RASGRF2: variants seen among roughly 807,000 people sequenced by gnomAD.
The protein encoded by RASGRF2 is Ras protein specific guanine nucleotide releasing factor 2, also known as ras-specific guanine nucleotide-releasing factor 2.
Under a neutral mutation model 151.0 loss-of-function variants are expected in RASGRF2, and 76 were observed. That is an observed-to-expected ratio of 0.50 (90% confidence interval 0.42 to 0.61). RASGRF2 has a LOEUF of 0.61. RASGRF2 is among the 20% of genes least tolerant of loss of function. RASGRF2 has a pLI of 0.00. For synonymous variants in RASGRF2, 504 were observed against 566.5 expected, an observed-to-expected ratio of 0.89 and a Z score of 1.57; for missense variants, 1,148 against 1,564.6, an observed-to-expected ratio of 0.73 and a Z score of 4.49.
chr5:80,971,953 G>A (rs1747951274), intron 1 of RASGRF2, among the ~76,000 whole-genome samples: 1 of 148,932 alleles, frequency 6.7e-6, no homozygotes, highest in Admixed American at 6.7e-5. Context: ...ACCAAAGCTG[G>A]CAAACTGTTG....
intron 14 of RASGRF2, 25 bp downstream of exon 14, chr5:81,112,883 C>T (rs745825187): frequency 1.2e-6 from 2 of 1,613,504 alleles, no homozygotes; most frequent in East Asian, 2.2e-5. Context: ...AGAGGTTAGC[C>T]TGTCATTCGC....
intron 1 of RASGRF2, among the ~76,000 whole-genome samples, chr5:81,037,042 C>T (rs998031371): frequency 1.3e-5 from 2 of 152,136 alleles, no homozygotes; most frequent in African/African-American, 4.8e-5. Flanking sequence ...GGATGTCTTA[C>T]ATAGCAGTCA....
At chr5:81,139,871 G>A (rs1016748054) in intron 17 of RASGRF2, among the ~76,000 whole-genome samples, 8 of 152,104 alleles carry the variant, frequency 5.3e-5, no homozygotes, top group Admixed American at 4.6e-4. Flanking sequence ...CACCCAGGCT[G>A]TCATGGAGTA....
intron 18 of RASGRF2, among the ~76,000 whole-genome samples, chr5:81,183,673 C>T (rs886150231): frequency 2.0e-5 from 3 of 152,148 alleles, no homozygotes; most frequent in Admixed American, 6.5e-5. Context: ...TCTCATGTGC[C>T]TTGTCTATCA....
chr5:81,187,835 CAG>C (rs1372282747), intron 18 of RASGRF2, among the ~76,000 whole-genome samples: 2 of 152,188 alleles, frequency 1.3e-5, no homozygotes, highest in Non-Finnish European at 2.9e-5. Context: ...TGACAGATGA[CAG>C]GGGCGGCTTC....
At chr5:81,049,474 G>A (rs1750940992) in intron 2 of RASGRF2, among the ~76,000 whole-genome samples, 2 of 152,038 alleles carry the variant, frequency 1.3e-5, no homozygotes, top group Non-Finnish European at 2.9e-5. Context: ...TGTTTACGAT[G>A]TCTCTCCCTC....
At chr5:81,131,557 G>A (rs153238) in intron 17 of RASGRF2, among the ~76,000 whole-genome samples, 50,464 of 151,642 alleles carry the variant, frequency 0.33, 8,702 homozygotes, top group Middle Eastern at 0.47. Flanking sequence ...GTTTCACCAT[G>A]TTGGCCAGGT....
intron 10 of RASGRF2, among the ~76,000 whole-genome samples, chr5:81,093,340 C>T (rs563426225): frequency 6.6e-6 from 1 of 152,258 alleles, no homozygotes; most frequent in East Asian, 1.9e-4. Context: ...CCTATTTTAT[C>T]TTTCTCTGTA....
intron 1 of RASGRF2, among the ~76,000 whole-genome samples, chr5:81,028,090 T>G (rs906697846): frequency 6.6e-6 from 1 of 152,060 alleles, no homozygotes; most frequent in African/African-American, 2.4e-5. Context: ...GGTCTGGGAT[T>G]CTTGAGGGTC....
intron 1 of RASGRF2, among the ~76,000 whole-genome samples, chr5:81,023,945 AT>A (rs1294057745): frequency 6.6e-6 from 1 of 152,208 alleles, no homozygotes; most frequent in African/African-American, 2.4e-5. Flanking sequence ...GTGGAGATTT[AT>A]TGAATATAAT....
chr5:81,221,591 C>G (rs1755858217), intron 26 of RASGRF2, among the ~76,000 whole-genome samples: 1 of 152,108 alleles, frequency 6.6e-6, no homozygotes, highest in Non-Finnish European at 1.5e-5. Context: ...TGGCTCACAC[C>G]TATAATCTTA....
At chr5:80,993,186 G>A (rs1349530789) in intron 1 of RASGRF2, among the ~76,000 whole-genome samples, 1 of 152,172 alleles carries the variant, frequency 6.6e-6, no homozygotes. Context: ...GTCTAAGCCT[G>A]CACCTCCCTG....
At chr5:81,178,234 T>C (rs1364167429) in intron 17 of RASGRF2, among the ~76,000 whole-genome samples, 4 of 152,208 alleles carry the variant, frequency 2.6e-5, no homozygotes, top group South Asian at 2.1e-4. Context: ...TGGGACAGAT[T>C]TGAGATTTAT....
chr5:81,093,265 A>T (rs1752443931), intron 10 of RASGRF2, among the ~76,000 whole-genome samples: 1 of 152,228 alleles, frequency 6.6e-6, no homozygotes, highest in Non-Finnish European at 1.5e-5. Flanking sequence ...ATACTAGTTG[A>T]CAACTACTGA....
rs186714340 is a variant in RASGRF2, at chr5:81,157,139, G to A, written c.2687-23036G>A. Among the ~76,000 whole-genome samples the A allele has an allele frequency of 6.9e-3, 1,045 of 152,170 alleles. 8 individuals are homozygous for A. The highest frequency in any genetic ancestry group is 0.024 in the African/African-American group (1,000 of 41,522). ...CCAGCACTTTGGGAGGCTGAGGCGG[G>A]CGGATCACGAGGTCAGGAGATCGAG... is the stretch of plus-strand genomic sequence containing the variant. On this transcript the variant is annotated intron_variant, in intron 17 of 26. Coordinates refer to ENST00000265080, the MANE Select transcript of RASGRF2 (RefSeq NM_006909.3).
chr5:81,072,877 T>A (rs1580281155), intron 4 of RASGRF2, among the ~76,000 whole-genome samples: 2 of 152,264 alleles, frequency 1.3e-5, no homozygotes, highest in Middle Eastern at 6.8e-3. Context: ...AAACAGAGAA[T>A]CAGAGGTCAA....
intron 17 of RASGRF2, among the ~76,000 whole-genome samples, chr5:81,161,316 C>G (rs751151736): frequency 6.6e-6 from 1 of 152,184 alleles, no homozygotes; most frequent in Admixed American, 6.5e-5. Context: ...TAGGCAAGCT[C>G]TCCTAGAGCT....
rs1212693586 is a variant in RASGRF2, at chr5:80,974,954, G to A, written c.288+13928G>A. 3.9e-5 allele frequency among the ~76,000 whole-genome samples: 6 copies of A among 152,116 alleles called. No homozygotes were observed. The East Asian group carries it at 1.2e-3, about 29-fold the overall frequency. On this transcript the variant is annotated intron_variant, in intron 1 of 26. Coordinates refer to ENST00000265080, the MANE Select transcript of RASGRF2 (RefSeq NM_006909.3). The stretch of plus-strand genomic sequence containing the variant: ...ATTAATCCATTTTGGGATTGAGCTG[G>A]TCAGCTAGGTTTCAGGTTTTCTGAG...
At chr5:81,017,298 G>A (rs6872530) in intron 1 of RASGRF2, among the ~76,000 whole-genome samples, 20,433 of 152,192 alleles carry the variant, frequency 0.13, 1,580 homozygotes, top group South Asian at 0.19. Flanking sequence ...TAGGAAAGGT[G>A]GGCTTGTTTC....
Sources: gnomAD v4.1 joint callset for allele counts (sites outside exome capture counted in the v4.1 genomes callset) on GRCh38, gnomAD v4.1.1 for gene constraint, MANE v1.5 for transcripts, NCBI Gene and HGNC (gene_info 2026-07-23, HGNC 2026-07-21) for gene names.